Variants in WWOX observed in about 807,000 individuals in gnomAD.
The protein encoded by WWOX is WW domain containing oxidoreductase.
WWOX carries 69 observed loss-of-function variants against 46.2 expected under a neutral mutation model. The observed-to-expected ratio is 1.49, with a 90% confidence interval of 1.23 to 1.82. The LOEUF (loss-of-function observed/expected upper bound fraction) is 1.82, where lower values mean the gene tolerates loss of function less well. WWOX is among the 40% of genes most tolerant of loss of function. The pLI, the probability that WWOX is intolerant of heterozygous loss-of-function variation, is 0.00. For synonymous variants in WWOX, 359 were observed against 202.6 expected (o/e 1.77, Z -6.56); for missense variants, 919 against 542.6 (o/e 1.69, Z -6.89).
At chr16:78,822,967 C>T (rs551505682) in intron 8 of WWOX, among the ~76,000 whole-genome samples, 1 of 151,996 alleles carries the variant, frequency 6.6e-6, no homozygotes, top group South Asian at 2.1e-4. Context: ...AGAAAAGAGG[C>T]TTCGTGTTGT....
intron 8 of WWOX, among the ~76,000 whole-genome samples, chr16:78,578,629 A>C (rs1253104574): frequency 6.6e-6 from 1 of 152,038 alleles, no homozygotes; most frequent in African/African-American, 2.4e-5. Context: ...ACACGCACAC[A>C]CCAAATTTAA....
Position 78,806,871 on chromosome 16 carries a change from G to A in WWOX, c.1056+374119G>A, listed in dbSNP as rs78726671. Among the ~76,000 whole-genome samples the A allele has an allele frequency of 8.3e-3, 1,263 of 152,268 alleles. 22 individuals carry two copies. Among genetic ancestry groups the A allele is most frequent in the African/African-American group, 0.029 (1,205 of 41,548 alleles). On this transcript the variant is annotated intron_variant, in intron 8 of 8. Transcript: ENST00000566780. Reference sequence around the variant, plus strand: ...ATGCAGTCTGCCACATAAGCAAACAGTTCGTGTCCTGCAGTGGGATATTGG... The same window carrying A: ...ATGCAGTCTGCCACATAAGCAAACAATTCGTGTCCTGCAGTGGGATATTGG...
rs557436432 is a variant in WWOX, at chr16:78,314,958, C to T, written c.517-71902C>T. Among the ~76,000 whole-genome samples the T allele has an allele frequency of 4.6e-5, 7 of 152,188 alleles. No individual in the cohort carries two copies. The East Asian group carries it at 1.4e-3, about 29-fold the overall frequency. ...TTAACACATGGGATGGGAATTCTTG[C>T]CAATGTCCTTCGTAAAAGAAGAACT... is the stretch of plus-strand genomic sequence containing the variant. On this transcript the variant is annotated intron_variant, in intron 5 of 8. Transcript: ENST00000566780.
chr16:79,094,656 A>G (rs1017892818), intron 8 of WWOX, among the ~76,000 whole-genome samples: 2 of 152,044 alleles, frequency 1.3e-5, no homozygotes, highest in Non-Finnish European at 2.9e-5. Flanking sequence ...TTTTTAAGTT[A>G]GCATTTTCTA....
chr16:78,323,014 C>T (rs774357130), intron 5 of WWOX, among the ~76,000 whole-genome samples: 34 of 152,272 alleles, frequency 2.2e-4, no homozygotes, highest in Admixed American at 3.9e-4. Flanking sequence ...TGCACTCCAG[C>T]CTGGGTGACA....
intron 6 of WWOX, among the ~76,000 whole-genome samples, chr16:78,396,611 C>A (rs1465465037): frequency 6.6e-6 from 1 of 152,164 alleles, no homozygotes; most frequent in East Asian, 1.9e-4. Flanking sequence ...TGATGTCCTT[C>A]CTTTAGCTAT....
intron 8 of WWOX, among the ~76,000 whole-genome samples, chr16:78,443,482 C>G (rs147092591): frequency 8.7e-4 from 132 of 152,224 alleles, no homozygotes; most frequent in African/African-American, 3.0e-3. Flanking sequence ...TGGCCACTTT[C>G]TTGTTAAAAA....
At chr16:78,631,039 A>G (rs1280800165) in intron 8 of WWOX, among the ~76,000 whole-genome samples, 2 of 152,160 alleles carry the variant, frequency 1.3e-5, no homozygotes, top group African/African-American at 2.4e-5. Context: ...TCGTGTTTAT[A>G]TTGTATTAGG....
chr16:78,357,216 C>T (rs1279128643), intron 5 of WWOX, among the ~76,000 whole-genome samples: 3 of 152,146 alleles, frequency 2.0e-5, no homozygotes, highest in Non-Finnish European at 4.4e-5. Context: ...GAGTTGCTAG[C>T]TGGGTTCTCT....
intron 8 of WWOX, among the ~76,000 whole-genome samples, chr16:78,629,122 T>G (rs369643850): frequency 1.3e-5 from 2 of 152,214 alleles, no homozygotes; most frequent in Admixed American, 1.3e-4. Context: ...TAAAATAAAA[T>G]GAAAACTTTT....
At chr16:78,448,443 A>G (rs1057328998) in intron 8 of WWOX, among the ~76,000 whole-genome samples, 2 of 152,124 alleles carry the variant, frequency 1.3e-5, no homozygotes, top group African/African-American at 4.8e-5. Flanking sequence ...TTAGAGTCTC[A>G]CAGGCTGCAT....
In WWOX at chr16:78,779,435, C is replaced by A. The variant is rs147298081; in HGVS notation, c.1056+346683C>A. On this transcript the variant is annotated intron_variant, in intron 8 of 8. Transcript: ENST00000566780. ...ACAGGTAAGAGCCACCGTGTCCGGC[C>A]CCCCTTTCTTCTTTTTTAAAGTGGG... Among the ~76,000 whole-genome samples the A allele has an allele frequency of 2.4e-3, 366 of 152,266 alleles. 1 individual carries two copies. Among genetic ancestry groups the A allele is most frequent in the African/African-American group, 8.2e-3 (340 of 41,554 alleles).
intron 8 of WWOX, among the ~76,000 whole-genome samples, chr16:79,137,065 C>T (rs997455565): frequency 1.3e-5 from 2 of 152,148 alleles, no homozygotes; most frequent in East Asian, 3.9e-4. Flanking sequence ...CGTAGCCCTC[C>T]ATCTGCCAGC....
intron 8 of WWOX, chr16:78,551,602 A>C (rs74029544): frequency 0.043 from 6,597 of 152,230 alleles, 217 homozygotes; most frequent in African/African-American, 0.091. Flanking sequence ...TGTGCTTTGA[A>C]TGGTGAATAC....
chr16:78,831,316 T>G (rs1222102832), intron 8 of WWOX, among the ~76,000 whole-genome samples: 2 of 152,216 alleles, frequency 1.3e-5, no homozygotes, highest in Non-Finnish European at 2.9e-5. Context: ...TGATATCCCC[T>G]GAAGTAGCCC....
intron 8 of WWOX, among the ~76,000 whole-genome samples, chr16:78,793,610 T>G (rs1233112719): frequency 6.6e-6 from 1 of 152,220 alleles, no homozygotes; most frequent in Admixed American, 6.5e-5. Flanking sequence ...ATTGTTTAAA[T>G]ATTATTCAAT....
chr16:78,214,355 G>A (rs1012447937), intron 5 of WWOX, among the ~76,000 whole-genome samples: 2 of 152,086 alleles, frequency 1.3e-5, no homozygotes, highest in Non-Finnish European at 2.9e-5. Context: ...GTTTGTAATT[G>A]TTCCTACCTC....
intron 8 of WWOX, among the ~76,000 whole-genome samples, chr16:78,761,526 C>T (rs1171622107): frequency 6.6e-6 from 1 of 152,160 alleles, no homozygotes; most frequent in African/African-American, 2.4e-5. Flanking sequence ...CTCTGCTCAT[C>T]TACCCTGATA....
intron 8 of WWOX, among the ~76,000 whole-genome samples, chr16:78,629,632 C>T (rs1479061133): frequency 6.6e-6 from 1 of 152,224 alleles, no homozygotes; most frequent in Non-Finnish European, 1.5e-5. Flanking sequence ...AAACCTGCTA[C>T]CTACCCTGCT....
Sources: gnomAD v4.1 joint callset for allele counts (sites outside exome capture counted in the v4.1 genomes callset) on GRCh38, gnomAD v4.1.1 for gene constraint, MANE v1.5 for transcripts, NCBI Gene and HGNC (gene_info 2026-07-23, HGNC 2026-07-21) for gene names.